The following CAMK4 variants were observed in gnomAD, a reference collection of about 807,000 sequenced individuals.
The protein encoded by CAMK4 is calcium/calmodulin dependent protein kinase IV, also known as calcium/calmodulin-dependent protein kinase type IV.
Under a neutral mutation model 44.9 loss-of-function variants are expected in CAMK4, and 22 were observed. That is an observed-to-expected ratio of 0.49 (90% CI 0.35 to 0.70). CAMK4 has a LOEUF of 0.70. Ranked by LOEUF, CAMK4 falls within the 30% of genes least tolerant of loss-of-function variation. CAMK4 has a pLI of 0.01. For missense variants in CAMK4, 498 were observed against 586.8 expected (o/e 0.85, Z 1.56); for synonymous variants, 218 against 215.4 (o/e 1.01, Z -0.11).
In CAMK4 at chr5:111,475,188, A is replaced by G. The variant is rs1307525827; in HGVS notation, c.701+1802A>G. Among the ~76,000 whole-genome samples the G allele has an allele frequency of 2.6e-5, 4 of 152,040 alleles. No homozygotes were observed. The East Asian group carries it at 7.7e-4, about 29-fold the overall frequency. ...CAAAAACAAAACAAAACAAAACAAAAGAAAAAGAAAAGCTTGAGAGGAATT... is the reference window on the plus strand; with the variant it reads ...CAAAAACAAAACAAAACAAAACAAAGGAAAAAGAAAAGCTTGAGAGGAATT... On this transcript the variant is annotated intron_variant, in intron 8 of 10. Coordinates refer to ENST00000282356, the MANE Select transcript of CAMK4 (RefSeq NM_001744.6).
intron 5 of CAMK4, among the ~76,000 whole-genome samples, chr5:111,414,458 A>C (rs1215287713): frequency 6.6e-6 from 1 of 152,202 alleles, no homozygotes; most frequent in Non-Finnish European, 1.5e-5. Context: ...ATTTAAATCA[A>C]CACCAAACAT....
intron 5 of CAMK4, among the ~76,000 whole-genome samples, chr5:111,432,414 A>G (rs1406696960): frequency 6.6e-6 from 1 of 152,002 alleles, no homozygotes; most frequent in Non-Finnish European, 1.5e-5. Context: ...AAGAAAAATT[A>G]AAAAGAATGA....
chr5:111,478,578 A>G (rs533982848), intron 9 of CAMK4, 71 bp downstream of exon 9: 4 of 702,328 alleles, frequency 5.7e-6, no homozygotes, highest in African/African-American at 1.9e-5. Context: ...GGGAAGTACA[A>G]TTTTTTAAAA....
At chr5:111,465,901 G>C (rs1754810315) in intron 7 of CAMK4, among the ~76,000 whole-genome samples, 1 of 152,112 alleles carries the variant, frequency 6.6e-6, no homozygotes, top group Admixed American at 6.5e-5. Context: ...TAACCAAAAA[G>C]AAAACTATAG....
At chr5:111,297,903 A>C (rs1408311788) in intron 1 of CAMK4, among the ~76,000 whole-genome samples, 2 of 152,198 alleles carry the variant, frequency 1.3e-5, no homozygotes, top group African/African-American at 2.4e-5. Context: ...GTATTTCATC[A>C]ATAATTAGAC....
intron 1 of CAMK4, among the ~76,000 whole-genome samples, chr5:111,340,180 A>T (rs1284648871): frequency 6.6e-6 from 1 of 151,120 alleles, no homozygotes; most frequent in Non-Finnish European, 1.5e-5. Context: ...CGACAGTTTA[A>T]CTTACTCCTT....
intron 7 of CAMK4, among the ~76,000 whole-genome samples, chr5:111,459,881 T>G (rs1329258681): frequency 6.6e-6 from 1 of 151,966 alleles, no homozygotes; most frequent in Non-Finnish European, 1.5e-5. Flanking sequence ...ATGGTAATCC[T>G]TAACTTCTGG....
intron 1 of CAMK4, among the ~76,000 whole-genome samples, chr5:111,232,032 C>G (rs1437367977): frequency 1.3e-5 from 2 of 152,146 alleles, no homozygotes; most frequent in African/African-American, 4.8e-5. Flanking sequence ...TGTTCTCGCT[C>G]TCTCTTTTAT....
intron 2 of CAMK4, among the ~76,000 whole-genome samples, chr5:111,356,701 C>A (rs1750372321): frequency 6.6e-6 from 1 of 152,228 alleles, no homozygotes; most frequent in East Asian, 1.9e-4. Flanking sequence ...GGAAGGGATC[C>A]AGTTTCAGCT....
At chr5:111,303,543 G>C (rs1747823001) in intron 1 of CAMK4, among the ~76,000 whole-genome samples, 1 of 100,542 alleles carries the variant, frequency 9.9e-6, no homozygotes, top group Non-Finnish European at 1.9e-5. Context: ...GAAGTTTAGA[G>C]AAAAAAGAAT....
Position 111,292,984 on chromosome 5 carries a change from A to G in CAMK4, c.162-51040A>G, listed in dbSNP as rs867246546. Among the ~76,000 whole-genome samples, 6 of 152,328 alleles carry G rather than the reference A, an allele frequency of 3.9e-5. No individual in the cohort carries two copies. In the South Asian group the frequency reaches 6.2e-4, roughly 16 times the overall value. ...AATTTTTGCAGAATTTAATGCTTGAATGAAGCAATGTGCCTGCCTTTAAAA... is the reference window on the plus strand; with the variant it reads ...AATTTTTGCAGAATTTAATGCTTGAGTGAAGCAATGTGCCTGCCTTTAAAA... On this transcript the variant is annotated intron_variant, in intron 1 of 10. Transcript: ENST00000282356.
In CAMK4 at chr5:111,484,281, G is replaced by A; in HGVS notation, c.1237G>A (p.Ala413Thr). Residue 413 changes from alanine to threonine, a missense_variant, in exon 11 of 11, where the codon GCC becomes ACC. Transcript: ENST00000282356. The surrounding 1 kb of genome is among the most constrained non-coding windows in gnomAD (Gnocchi z 5.3). ...VKGADINAEEAPKMVPKAVED... is the reference protein window; with the variant it reads ...VKGADINAEETPKMVPKAVED... ...AGGTGCAGATATAAATGCTGAAGAG[G>A]CCCCCAAAATGGTGCCCAAGGCAGT... 1 of 1,614,042 alleles carries A rather than the reference G, an allele frequency of 6.2e-7. No homozygotes were observed. Among genetic ancestry groups the A allele is most frequent in the Non-Finnish European group, 8.5e-7 (1 of 1,179,992 alleles).
At chr5:111,375,992 A>G (rs918132473) in intron 3 of CAMK4, among the ~76,000 whole-genome samples, 1 of 152,088 alleles carries the variant, frequency 6.6e-6, no homozygotes, top group African/African-American at 2.4e-5. Context: ...AGCTAGTCAC[A>G]AGATTACCCT....
At chr5:111,228,621 A>G (rs934589259) in intron 1 of CAMK4, among the ~76,000 whole-genome samples, 3 of 149,450 alleles carry the variant, frequency 2.0e-5, no homozygotes, top group Non-Finnish European at 4.5e-5. Context: ...TTTCTATTAT[A>G]TGCTGTTTGA....
At chr5:111,478,085 C>A (rs1318659171) in intron 8 of CAMK4, among the ~76,000 whole-genome samples, 2 of 150,534 alleles carry the variant, frequency 1.3e-5, no homozygotes, top group African/African-American at 4.9e-5. Flanking sequence ...TATTGTTCTT[C>A]TGTGTAATAA....
intron 1 of CAMK4, among the ~76,000 whole-genome samples, chr5:111,287,514 T>A (rs1286845158): frequency 1.3e-5 from 2 of 152,336 alleles, no homozygotes; most frequent in African/African-American, 4.8e-5. Context: ...TTTAAAGAAT[T>A]ATTTGATTTT....
intron 5 of CAMK4, among the ~76,000 whole-genome samples, chr5:111,429,654 T>C (rs1237426039): frequency 6.6e-6 from 1 of 151,456 alleles, no homozygotes; most frequent in Non-Finnish European, 1.5e-5. Context: ...TGTGCACTTA[T>C]AGTCCCAGCT....
In CAMK4 at chr5:111,376,900, G is replaced by T. The variant is rs1751233233; in HGVS notation, c.344G>T (p.Ser115Ile). The change falls in exon 4 of 11, where the codon AGT becomes ATT. Residue 115 changes from serine to isoleucine, a missense_variant. This residue lies in a region of CAMK4 where 203 missense variants were observed against 298.2 expected (regional missense o/e 0.68). Transcript: ENST00000282356. ...KEIFETPTEI[S>I]LVLELVTGGE... The stretch of plus-strand genomic sequence containing the variant: ...ATATTTGAAACCCCTACAGAAATCA[G>T]TCTGGTCCTAGAACTCGTCACAGGA... 1 of 1,607,700 alleles carries T rather than the reference G, an allele frequency of 6.2e-7. No individual in the cohort carries two copies. Among genetic ancestry groups the T allele is most frequent in the Non-Finnish European group, 8.5e-7 (1 of 1,175,548 alleles).
intron 7 of CAMK4, among the ~76,000 whole-genome samples, chr5:111,458,101 A>G (rs1339291228): frequency 6.6e-6 from 1 of 152,146 alleles, no homozygotes; most frequent in Non-Finnish European, 1.5e-5. Flanking sequence ...GGTACCCCAT[A>G]TCCATCTCCC....
Sources: allele counts gnomAD v4.1 joint callset (sites outside exome capture counted in the v4.1 genomes callset), GRCh38; gene constraint gnomAD v4.1.1; regional missense constraint gnomAD v4.1.1; non-coding constraint Gnocchi (gnomAD v3.1); transcripts MANE v1.5; gene names NCBI Gene and HGNC (gene_info 2026-07-23, HGNC 2026-07-21).